NAV3: variants seen among roughly 807,000 people sequenced by gnomAD.
NAV3 encodes the protein neuron navigator 3, also known as pore membrane and/or filament interacting like protein 1.
In NAV3, 87 loss-of-function variants were observed where a neutral mutation model predicts 244.7. The observed-to-expected ratio is 0.36, with a 90% CI of 0.30 to 0.42. The LOEUF (loss-of-function observed/expected upper bound fraction) is 0.42. NAV3 is among the 20% of genes least tolerant of loss of function. NAV3 has a pLI of 1.00. For missense variants in NAV3, 2,663 were observed against 2,893.3 expected (o/e 0.92, Z 1.83); for synonymous variants, 1,126 against 1,042.2 (o/e 1.08, Z -1.55).
rs1211297393 is a variant in NAV3 at position 77,998,447 on chromosome 12, C to T, written c.851C>T (p.Pro284Leu). Reference protein sequence around the residue: ...QSFNSIDKNKPPNYANGNEKD... With the variant: ...QSFNSIDKNKLPNYANGNEKD... ...TTTAACAGCATTGACAAAAACAAGC[C>T]TCCAAATTATGCAAATGGAAACGAA... Residue 284 changes from proline to leucine, a missense_variant, in exon 7 of 40, where the codon CCT becomes CTT. By Grantham distance (98) the Pro-to-Leu change is moderately conservative (BLOSUM62 -3). Around this residue, in one of 6 missense-constraint regions of NAV3, gnomAD observed 1,521 missense variants for 1,497.0 expected, o/e 1.02. Transcript: ENST00000397909. 3 of 1,609,658 alleles carry T rather than the reference C, an allele frequency of 1.9e-6. No homozygotes were observed. Among genetic ancestry groups the T allele is most frequent in the South Asian group, 2.2e-5 (2 of 90,564 alleles).
chr12:78,111,052 A>G (rs1955069775), intron 12 of NAV3, among the ~76,000 whole-genome samples: 1 of 152,006 alleles, frequency 6.6e-6, no homozygotes, highest in African/African-American at 2.4e-5. Flanking sequence ...GAAGGTGAAG[A>G]GAAGAGAGTT....
At position 78,122,112 on chromosome 12, in the gene NAV3, A is replaced by C. The variant is rs764643982; in HGVS notation, c.3922A>C (p.Ser1308Arg). 6.2e-7 allele frequency: 1 copy of C among 1,614,182 alleles called. No individual in the cohort carries two copies. The change falls in exon 16 of 40, where the codon AGC (serine) becomes CGC (arginine). Residue 1308 changes from serine to arginine, a missense_variant. By Grantham distance (110) the Ser-to-Arg change is moderately radical. Coordinates refer to ENST00000397909, the MANE Select transcript of NAV3 (RefSeq NM_001024383.2). ...MGSAGGLSGS[S>R]SPLFNKPSDL... is the part of the protein sequence containing the mutation. ...CAGTGCTGGTGGGCTAAGCGGCAGCAGCAGCCCTCTCTTCAATAAACCCTC... is the reference window on the plus strand; with the variant it reads ...CAGTGCTGGTGGGCTAAGCGGCAGCCGCAGCCCTCTCTTCAATAAACCCTC...
intron 14 of NAV3, 82 bp downstream of exon 14, chr12:78,118,379 G>A (rs2138581503): frequency 5.4e-6 from 8 of 1,479,894 alleles, no homozygotes; most frequent in Middle Eastern, 1.8e-4. Context: ...TCTAACAATA[G>A]CATTTCTAAA....
intron 8 of NAV3, among the ~76,000 whole-genome samples, chr12:78,009,875 T>C (rs1347922325): frequency 6.6e-6 from 1 of 152,130 alleles, no homozygotes. Flanking sequence ...TACATGAATA[T>C]CAGTAATTAT....
intron 2 of NAV3, among the ~76,000 whole-genome samples, chr12:77,605,815 G>A (rs1359856005): frequency 1.3e-5 from 2 of 151,486 alleles, no homozygotes; most frequent in Admixed American, 6.6e-5. Context: ...CTCCAGCCTC[G>A]GCAACAAGAG....
intron 1 of NAV3, among the ~76,000 whole-genome samples, chr12:77,833,185 G>T (rs1035711328): frequency 6.6e-6 from 1 of 152,040 alleles, no homozygotes; most frequent in Non-Finnish European, 1.5e-5. Context: ...TAATTATCTG[G>T]ATAATTTATT....
chr12:77,659,189 A>T (rs1216430879), intron 2 of NAV3, among the ~76,000 whole-genome samples: 1 of 151,744 alleles, frequency 6.6e-6, no homozygotes, highest in East Asian at 1.9e-4. Context: ...AAAATGGGAG[A>T]AAATTTTCGC....
At chr12:77,721,518 A>T (rs1876632190) in intron 2 of NAV3, among the ~76,000 whole-genome samples, 1 of 152,196 alleles carries the variant, frequency 6.6e-6, no homozygotes, top group African/African-American at 2.4e-5. Flanking sequence ...TCAATTACTT[A>T]TATAAATGTT....
intron 2 of NAV3, among the ~76,000 whole-genome samples, chr12:77,823,606 C>T (rs907089332): frequency 6.6e-6 from 1 of 152,156 alleles, no homozygotes; most frequent in Non-Finnish European, 1.5e-5. Context: ...CCTTCTTTAA[C>T]AATTTATTTA....
chr12:78,156,767 T>C (rs1212152476), intron 22 of NAV3, among the ~76,000 whole-genome samples: 3 of 152,134 alleles, frequency 2.0e-5, no homozygotes, highest in African/African-American at 7.2e-5. Context: ...AGTAACCAAT[T>C]TTATGGGCAT....
At chr12:77,647,174 A>G (rs1872638841) in intron 2 of NAV3, among the ~76,000 whole-genome samples, 1 of 152,132 alleles carries the variant, frequency 6.6e-6, no homozygotes, top group African/African-American at 2.4e-5. Context: ...AGTGCCATTA[A>G]TAAGAGAATG....
chr12:77,744,707 A>G (rs1432129879), intron 2 of NAV3, among the ~76,000 whole-genome samples: 2 of 151,964 alleles, frequency 1.3e-5, no homozygotes, highest in Non-Finnish European at 2.9e-5. Flanking sequence ...TAGAGTATCA[A>G]ACCTCCCGTA....
chr12:77,854,557 T>C (rs1359439356), intron 1 of NAV3, among the ~76,000 whole-genome samples: 2 of 150,480 alleles, frequency 1.3e-5, no homozygotes, highest in Non-Finnish European at 3.0e-5. Flanking sequence ...AGCTATGTAA[T>C]CATGATAAGC....
At chr12:78,114,448 C>G (rs2853473) in intron 12 of NAV3, among the ~76,000 whole-genome samples, 3 of 152,040 alleles carry the variant, frequency 2.0e-5, no homozygotes, top group Non-Finnish European at 1.5e-5. Flanking sequence ...TTCAGCATGG[C>G]TGGCAAGGCC....
intron 8 of NAV3, 113 bp downstream of exon 8, chr12:78,007,558 A>C (rs1043643148): frequency 7.7e-6 from 9 of 1,162,388 alleles, no homozygotes; most frequent in Non-Finnish European, 1.1e-5. Context: ...TTTGGAGTAA[A>C]GTTTCATGCT....
chr12:77,832,916 T>C (rs1873966978), intron 1 of NAV3, among the ~76,000 whole-genome samples: 1 of 152,166 alleles, frequency 6.6e-6, no homozygotes, highest in African/African-American at 2.4e-5. Flanking sequence ...TTCATTTTAC[T>C]CTGCTATCCA....
intron 1 of NAV3, among the ~76,000 whole-genome samples, chr12:77,919,198 C>T (rs940530327): frequency 6.6e-6 from 1 of 151,966 alleles, no homozygotes; most frequent in African/African-American, 2.4e-5. Context: ...GAAATGGATG[C>T]TTTGAGAGCA....
intron 7 of NAV3, among the ~76,000 whole-genome samples, chr12:78,000,694 G>T (rs1267887833): frequency 6.9e-6 from 1 of 144,078 alleles, no homozygotes; most frequent in Non-Finnish European, 1.5e-5. Flanking sequence ...TAGTAGAGAC[G>T]GGGTTTCACC....
intron 2 of NAV3, among the ~76,000 whole-genome samples, chr12:77,787,869 A>C (rs1399689364): frequency 6.6e-6 from 1 of 152,236 alleles, no homozygotes; most frequent in Non-Finnish European, 1.5e-5. Flanking sequence ...AAAATTATTC[A>C]CAGACTTATG....
Sources: gnomAD v4.1 joint callset for allele counts (sites outside exome capture counted in the v4.1 genomes callset) on GRCh38, gnomAD v4.1.1 for gene constraint, gnomAD v4.1.1 regional missense constraint, MANE v1.5 for transcripts, NCBI Gene and HGNC (gene_info 2026-07-23, HGNC 2026-07-21) for gene names.